Variants in NEK7 observed in about 807,000 individuals in gnomAD.
The protein encoded by NEK7 is serine/threonine-protein kinase Nek7.
In NEK7, 18 loss-of-function variants were observed where a neutral mutation model predicts 44.6. The observed-to-expected ratio is 0.40, with a 90% confidence interval of 0.28 to 0.60. NEK7 has a LOEUF of 0.60. Ranked by LOEUF, NEK7 falls within the 20% of genes least tolerant of loss-of-function variation. NEK7 has a pLI of 0.38. For missense variants in NEK7, 256 were observed against 366.5 expected, an observed-to-expected ratio of 0.70 and a Z score of 2.46; for synonymous variants, 130 against 121.1, an observed-to-expected ratio of 1.07 and a Z score of -0.48.
At chr1:198,311,828 G>A (rs1655193830) in intron 9 of NEK7, among the ~76,000 whole-genome samples, 1 of 152,092 alleles carries the variant, frequency 6.6e-6, no homozygotes, top group Admixed American at 6.5e-5. Flanking sequence ...TGTGCTGCTG[G>A]ATTCGGTTTG....
chr1:198,216,854 CAATT>C lies in NEK7; in HGVS notation c.-28-15698_-28-15695del, dbSNP rs554547806. ...AAACATAGAGGAAATTGATAATTAT[CAATT>C]TCCTCGAAAACGACAACCCTTCTAG... On this transcript the variant is annotated intron_variant, in intron 1 of 9. Coordinates refer to ENST00000367385, the MANE Select transcript of NEK7 (RefSeq NM_133494.3). Among the ~76,000 whole-genome samples, 35 of 151,536 alleles carry C rather than the reference CAATT, an allele frequency of 2.3e-4. No homozygotes were observed. The East Asian group carries it at 6.0e-3, about 26-fold the overall frequency.
At chr1:198,171,533 G>T (rs925352767) in intron 1 of NEK7, among the ~76,000 whole-genome samples, 1 of 152,014 alleles carries the variant, frequency 6.6e-6, no homozygotes, top group Non-Finnish European at 1.5e-5. Flanking sequence ...ACAAAAATTA[G>T]CTGGGCATGG....
chr1:198,312,892 G>A (rs563931459), intron 9 of NEK7, among the ~76,000 whole-genome samples: 1 of 152,212 alleles, frequency 6.6e-6, no homozygotes, highest in African/African-American at 2.4e-5. Context: ...GTGTGGCGTG[G>A]TGCTGAAAAA....
chr1:198,282,964 G>A (rs958480459), intron 7 of NEK7, among the ~76,000 whole-genome samples: 2 of 152,096 alleles, frequency 1.3e-5, no homozygotes, highest in Non-Finnish European at 2.9e-5. Flanking sequence ...ATGGCCAGTT[G>A]GGGAACTAAT....
At chr1:198,165,898 A>G (rs1558038120) in intron 1 of NEK7, among the ~76,000 whole-genome samples, 1 of 152,206 alleles carries the variant, frequency 6.6e-6, no homozygotes, top group Non-Finnish European at 1.5e-5. Context: ...TCTTAGCTAG[A>G]TCTTCTGGAT....
At chr1:198,186,905 A>G (rs1262290639) in intron 1 of NEK7, among the ~76,000 whole-genome samples, 3 of 152,136 alleles carry the variant, frequency 2.0e-5, no homozygotes, top group African/African-American at 7.2e-5. Flanking sequence ...TCCCTTCCTT[A>G]TGGGAAGTAT....
chr1:198,171,260 AATTT>A (rs905347668), intron 1 of NEK7, among the ~76,000 whole-genome samples: 1 of 152,006 alleles, frequency 6.6e-6, no homozygotes, highest in African/African-American at 2.4e-5. Flanking sequence ...AATTGAGTTG[AATTT>A]ATTTATGCTT....
intron 1 of NEK7, among the ~76,000 whole-genome samples, chr1:198,196,649 C>T (rs1289972585): frequency 5.3e-5 from 8 of 152,140 alleles, no homozygotes; most frequent in Admixed American, 5.2e-4. Flanking sequence ...TAAAGAAAAC[C>T]TGGCTGCTTT....
At chr1:198,252,528 C>CTATA (rs1162099133) in intron 2 of NEK7, among the ~76,000 whole-genome samples, 2,382 of 31,724 alleles carry the variant, frequency 0.075, 141 homozygotes, top group Non-Finnish European at 0.084. Context: ...ATCTCACATA[C>CTATA]TATATATATA....
Position 198,197,880 on chromosome 1 carries a change from TGTC to T in NEK7, c.-28-34672_-28-34670del. ...TTCTTCATTTTCATCTGCATCTTCT[TGTC>T]CTCTATCACTCCTAGTCCGAACATG... On this transcript the variant is annotated intron_variant, in intron 1 of 9. Transcript: ENST00000367385. 4 of 1,047,700 alleles carry T rather than the reference TGTC, an allele frequency of 3.8e-6. No homozygotes were observed. In the Admixed American group the frequency reaches 6.9e-5, roughly 18 times the overall value. The allele number at this position is 1,047,700 out of a possible 1,614,324, so 64.9% of individuals were successfully genotyped here.
At chr1:198,291,391 A>G (rs191927514) in intron 7 of NEK7, among the ~76,000 whole-genome samples, 16 of 152,314 alleles carry the variant, frequency 1.1e-4, no homozygotes, top group East Asian at 3.9e-4. Context: ...ACTACAGGTG[A>G]AAGTAGTTAG....
At chr1:198,272,225 G>A (rs10801660) in intron 5 of NEK7, among the ~76,000 whole-genome samples, 21,049 of 151,584 alleles carry the variant, frequency 0.14, 2,130 homozygotes, top group East Asian at 0.57. Flanking sequence ...GGTGATGTAC[G>A]AACTTTGAAC....
chr1:198,271,905 T>TTATATATATA (rs34354855), intron 5 of NEK7, among the ~76,000 whole-genome samples: 6 of 141,392 alleles, frequency 4.2e-5, no homozygotes, highest in East Asian at 2.1e-4. Context: ...AATTTATATT[T>TTATATATATA]TATATATATA....
chr1:198,303,762 A>T (rs1030669819), intron 9 of NEK7, among the ~76,000 whole-genome samples: 4 of 152,168 alleles, frequency 2.6e-5, no homozygotes, highest in Non-Finnish European at 4.4e-5. Context: ...TGGCACAAAT[A>T]ATGTCTGAAG....
chr1:198,302,536 G>C (rs1052948742), intron 9 of NEK7, among the ~76,000 whole-genome samples: 4 of 151,868 alleles, frequency 2.6e-5, no homozygotes, highest in African/African-American at 4.8e-5. Flanking sequence ...TGATTTTCTG[G>C]AGTATTTAAA....
intron 2 of NEK7, among the ~76,000 whole-genome samples, chr1:198,248,949 T>C (rs1666909809): frequency 6.6e-6 from 1 of 151,912 alleles, no homozygotes; most frequent in Admixed American, 6.6e-5. Context: ...TGCAGGTTAG[T>C]TACATATGTA....
chr1:198,238,873 A>G (rs1258691113), intron 2 of NEK7, among the ~76,000 whole-genome samples: 13 of 152,194 alleles, frequency 8.5e-5, no homozygotes, highest in Non-Finnish European at 1.9e-4. Context: ...ACAGTTTTCA[A>G]GATGAAATTT....
At chr1:198,164,742 G>A (rs1664215197) in intron 1 of NEK7, among the ~76,000 whole-genome samples, 1 of 152,180 alleles carries the variant, frequency 6.6e-6, no homozygotes, top group Admixed American at 6.5e-5. Context: ...TACGGTGACG[G>A]TCACTGAAGG....
intron 1 of NEK7, among the ~76,000 whole-genome samples, chr1:198,210,752 T>TC (rs1441487398): frequency 5.1e-5 from 6 of 118,302 alleles, no homozygotes; most frequent in Admixed American, 8.1e-5. Context: ...TTTTTTTTTT[T>TC]TTTTTTTTTT....
Sources: gnomAD v4.1 joint callset for allele counts (sites outside exome capture counted in the v4.1 genomes callset) on GRCh38, gnomAD v4.1.1 for gene constraint, MANE v1.5 for transcripts, NCBI Gene and HGNC (gene_info 2026-07-23, HGNC 2026-07-21) for gene names.